MYRIP: variants seen among roughly 807,000 people sequenced by gnomAD.
MYRIP encodes the protein rab effector MyRIP.
In MYRIP, 49 loss-of-function variants were observed where a neutral mutation model predicts 98.0. That is an observed-to-expected ratio of 0.50 (90% CI 0.40 to 0.63). MYRIP has a LOEUF of 0.63. Among genes scored for constraint, MYRIP ranks in the 30% least tolerant of loss-of-function variants. MYRIP has a pLI of 0.00. For missense variants in MYRIP, 1,004 were observed against 1,058.2 expected, an observed-to-expected ratio of 0.95 and a Z score of 0.71; for synonymous variants, 404 against 409.5, an observed-to-expected ratio of 0.99 and a Z score of 0.16.
chr3:40,246,318 T>C (rs971355919), intron 13 of MYRIP, among the ~76,000 whole-genome samples: 8 of 152,012 alleles, frequency 5.3e-5, no homozygotes, highest in Non-Finnish European at 1.2e-4. Flanking sequence ...CGGAAATAGA[T>C]GGAGGGAAAG....
chr3:40,184,516 G>A (rs1013015362), intron 9 of MYRIP, among the ~76,000 whole-genome samples: 4 of 152,184 alleles, frequency 2.6e-5, no homozygotes, highest in African/African-American at 9.7e-5. Flanking sequence ...TGTAGGCAGA[G>A]CTGGTCCTCA....
chr3:40,030,887 A>T (rs1476806343), intron 2 of MYRIP, among the ~76,000 whole-genome samples: 1 of 152,160 alleles, frequency 6.6e-6, no homozygotes, highest in Non-Finnish European at 1.5e-5. Flanking sequence ...ACGGAGTAAG[A>T]CAGTAGTGGT....
At chr3:40,207,509 T>C (rs1951817982) in intron 10 of MYRIP, among the ~76,000 whole-genome samples, 1 of 152,202 alleles carries the variant, frequency 6.6e-6, no homozygotes, top group African/African-American at 2.4e-5. Context: ...TTCAGTGATA[T>C]TTTTCATTTC....
chr3:39,832,935 A>G (rs1426234220), intron 1 of MYRIP, among the ~76,000 whole-genome samples: 7 of 152,240 alleles, frequency 4.6e-5, no homozygotes, highest in Non-Finnish European at 1.0e-4. Flanking sequence ...TTTATGCACA[A>G]AAATGTTTAT....
intron 1 of MYRIP, among the ~76,000 whole-genome samples, chr3:39,835,590 A>G (rs943241953): frequency 7.4e-6 from 1 of 135,148 alleles, no homozygotes; most frequent in Non-Finnish European, 1.6e-5. Context: ...AAGGCACACT[A>G]TAAGTAAGTT....
intron 3 of MYRIP, among the ~76,000 whole-genome samples, chr3:40,145,374 C>T (rs537666095): frequency 6.6e-6 from 1 of 152,182 alleles, no homozygotes; most frequent in Non-Finnish European, 1.5e-5. Context: ...ATTATACATT[C>T]GGTATATTGT....
At chr3:40,057,789 C>T (rs977500549) in intron 3 of MYRIP, among the ~76,000 whole-genome samples, 11 of 152,188 alleles carry the variant, frequency 7.2e-5, no homozygotes. Flanking sequence ...CTTTTCCATC[C>T]TATATCCATG....
intron 2 of MYRIP, among the ~76,000 whole-genome samples, chr3:40,037,273 A>T (rs1339771078): frequency 6.6e-6 from 1 of 152,114 alleles, no homozygotes; most frequent in Non-Finnish European, 1.5e-5. Context: ...ACCTGTGAAG[A>T]TAAGATGTTA....
chr3:39,886,196 C>T (rs1436608269), intron 1 of MYRIP, among the ~76,000 whole-genome samples: 3 of 151,852 alleles, frequency 2.0e-5, no homozygotes, highest in Non-Finnish European at 4.4e-5. Context: ...AAGCACTAAA[C>T]ATGGAAAGGA....
intron 13 of MYRIP, among the ~76,000 whole-genome samples, chr3:40,245,300 C>T (rs1046202193): frequency 2.0e-5 from 3 of 152,180 alleles, no homozygotes; most frequent in Non-Finnish European, 4.4e-5. Flanking sequence ...CACTGATTTT[C>T]AAACTAGGGT....
intron 3 of MYRIP, among the ~76,000 whole-genome samples, chr3:40,063,196 C>A (rs1325439836): frequency 1.3e-5 from 2 of 152,150 alleles, no homozygotes; most frequent in Non-Finnish European, 2.9e-5. Flanking sequence ...TTAAAGAAGA[C>A]TAAGGAGACA....
intron 2 of MYRIP, among the ~76,000 whole-genome samples, chr3:39,930,056 T>A (rs974459714): frequency 6.6e-6 from 1 of 152,072 alleles, no homozygotes; most frequent in African/African-American, 2.4e-5. Context: ...ATGTTTCACC[T>A]CTCTTGGGTA....
intron 2 of MYRIP, among the ~76,000 whole-genome samples, chr3:39,972,040 G>A (rs1241023177): frequency 6.6e-6 from 1 of 151,998 alleles, no homozygotes. Flanking sequence ...CTATTCCTAA[G>A]CATTAATCAC....
chr3:40,014,171 GC>G (rs1291413499), intron 2 of MYRIP, among the ~76,000 whole-genome samples: 1 of 152,056 alleles, frequency 6.6e-6, no homozygotes, highest in African/African-American at 2.4e-5. Flanking sequence ...TGTGTATTTT[GC>G]CATTTCTACC....
chr3:39,945,476 C>CTAA (rs1944878967), intron 2 of MYRIP, among the ~76,000 whole-genome samples: 1 of 65,210 alleles, frequency 1.5e-5, no homozygotes, highest in Non-Finnish European at 2.8e-5. Context: ...GACTCCATCT[C>CTAA]AAAAAAAAAA....
At position 40,059,898 on chromosome 3, in the gene MYRIP, A is replaced by G. The variant is rs114433760; in HGVS notation, c.332+15627A>G. 3.0e-3 allele frequency among the ~76,000 whole-genome samples: 452 copies of G among 152,294 alleles called. 2 individuals are homozygous for G. Among genetic ancestry groups the G allele is most frequent in the Non-Finnish European group, 4.5e-3 (307 of 68,022 alleles). ...GAGGATATGAAAAAGTTCATTATTC[A>G]CATGATGGGACTTTGTGAGGCAAAC... On this transcript the variant is annotated intron_variant, in intron 3 of 16. Transcript: ENST00000302541.
chr3:39,973,710 G>T (rs181992313), intron 2 of MYRIP, among the ~76,000 whole-genome samples: 59 of 151,938 alleles, frequency 3.9e-4, no homozygotes, highest in African/African-American at 1.3e-3. Flanking sequence ...ATCTCAGACC[G>T]CAGTGCAATC....
intron 3 of MYRIP, among the ~76,000 whole-genome samples, chr3:40,094,848 A>G (rs553375833): frequency 3.3e-5 from 5 of 152,330 alleles, no homozygotes; most frequent in Middle Eastern, 3.4e-3. Context: ...CTTTCTGCTG[A>G]TGAGCTGCAG....
chr3:39,872,014 T>C (rs1259093450), intron 1 of MYRIP, among the ~76,000 whole-genome samples: 3 of 152,146 alleles, frequency 2.0e-5, no homozygotes, highest in East Asian at 3.9e-4. Context: ...ATTTAAGATA[T>C]TTTTGTATCT....
Sources: allele counts gnomAD v4.1 joint callset (sites outside exome capture counted in the v4.1 genomes callset), GRCh38; gene constraint gnomAD v4.1.1; transcripts MANE v1.5; gene names NCBI Gene and HGNC (gene_info 2026-07-23, HGNC 2026-07-21).